CLPB: variants seen among roughly 807,000 people sequenced by gnomAD.
The protein encoded by CLPB is mitochondrial disaggregase.
Under a neutral mutation model 78.4 loss-of-function variants are expected in CLPB, and 40 were observed. The observed-to-expected ratio is 0.51, with a 90% confidence interval of 0.40 to 0.66. The LOEUF (loss-of-function observed/expected upper bound fraction) is 0.66. Ranked by LOEUF, CLPB falls within the 30% of genes least tolerant of loss-of-function variation. The pLI, the probability that CLPB is intolerant of heterozygous loss-of-function variation, is 0.00. For missense variants in CLPB, 780 were observed against 886.9 expected (o/e 0.88, Z 1.53); for synonymous variants, 333 against 348.0 (o/e 0.96, Z 0.48).
At chr11:72,404,127 A>T (rs182787711) in intron 2 of CLPB, among the ~76,000 whole-genome samples, 10 of 152,344 alleles carry the variant, frequency 6.6e-5, no homozygotes, top group Admixed American at 6.5e-4. Context: ...TCCTCCAGAC[A>T]GAACCTGGCT....
At chr11:72,359,083 G>A in intron 4 of CLPB, 75 bp from the exon 5 acceptor site, 2 of 1,603,098 alleles carry the variant, frequency 1.2e-6, no homozygotes, top group Non-Finnish European at 8.5e-7. Flanking sequence ...TTTTCTAGTG[G>A]CATTTTAATT....
chr11:72,421,317 A>G (rs1229285908), intron 2 of CLPB, among the ~76,000 whole-genome samples: 1 of 151,756 alleles, frequency 6.6e-6, no homozygotes, highest in African/African-American at 2.4e-5. Flanking sequence ...TTCCCTACTA[A>G]ACTCTCTGCT....
intron 3 of CLPB, among the ~76,000 whole-genome samples, chr11:72,400,419 G>A (rs1590897641): frequency 6.6e-6 from 1 of 152,298 alleles, no homozygotes; most frequent in Non-Finnish European, 1.5e-5. Context: ...AACAGCTCTG[G>A]ATAAAGACAG....
chr11:72,294,301 C>T (rs1590752949), intron 14 of CLPB, 24 bp downstream of exon 14: 2 of 1,614,232 alleles, frequency 1.2e-6, no homozygotes, highest in Middle Eastern at 1.6e-4. Context: ...ATCCCGCCCC[C>T]ACCCATGGGC....
chr11:72,429,490 A>C (rs780396622), intron 2 of CLPB, among the ~76,000 whole-genome samples: 2 of 152,206 alleles, frequency 1.3e-5, no homozygotes, highest in Non-Finnish European at 2.9e-5. Context: ...CCAACACCTG[A>C]CTTCCTGTCT....
intron 7 of CLPB, among the ~76,000 whole-genome samples, chr11:72,316,341 G>T (rs544939763): frequency 2.8e-4 from 42 of 152,318 alleles, no homozygotes; most frequent in African/African-American, 9.6e-4. Context: ...GAACCACTGT[G>T]TTGGGGGATA....
At chr11:72,313,583 A>G (rs1367959556) in intron 7 of CLPB, among the ~76,000 whole-genome samples, 1 of 152,214 alleles carries the variant, frequency 6.6e-6, no homozygotes, top group African/African-American at 2.4e-5. Flanking sequence ...AACATAGTAG[A>G]TAACATGTGA....
intron 3 of CLPB, among the ~76,000 whole-genome samples, chr11:72,400,738 G>A (rs918538435): frequency 1.3e-5 from 2 of 152,200 alleles, no homozygotes; most frequent in African/African-American, 4.8e-5. Context: ...GGGGGCATCA[G>A]GGACTAACAA....
intron 7 of CLPB, among the ~76,000 whole-genome samples, chr11:72,308,844 G>C (rs1011696253): frequency 6.6e-6 from 1 of 152,186 alleles, no homozygotes; most frequent in African/African-American, 2.4e-5. Context: ...AGTTTTCCAG[G>C]ATGAGCACTC....
chr11:72,404,479 C>T (rs1052399874), intron 2 of CLPB, among the ~76,000 whole-genome samples: 1 of 152,210 alleles, frequency 6.6e-6, no homozygotes, highest in South Asian at 2.1e-4. Flanking sequence ...TGAGAAACAT[C>T]ATGTACTAAG....
At chr11:72,382,132 A>C (rs1365201858) in intron 3 of CLPB, among the ~76,000 whole-genome samples, 1 of 151,852 alleles carries the variant, frequency 6.6e-6, no homozygotes, top group South Asian at 2.1e-4. Context: ...GCCAGTCCCC[A>C]TGCCACAGAC....
chr11:72,321,693 G>C (rs997422705), intron 6 of CLPB, among the ~76,000 whole-genome samples: 2 of 152,192 alleles, frequency 1.3e-5, no homozygotes, highest in Non-Finnish European at 2.9e-5. Context: ...AGCTGGAGTA[G>C]GCAGAACAAG....
At chr11:72,375,584 G>T (rs1854664821) in intron 4 of CLPB, among the ~76,000 whole-genome samples, 2 of 152,144 alleles carry the variant, frequency 1.3e-5, no homozygotes, top group Admixed American at 6.5e-5. Context: ...CCAGACACCA[G>T]CCTGCTCACT....
At chr11:72,400,172 T>C (rs1240007127) in intron 3 of CLPB, among the ~76,000 whole-genome samples, 2 of 152,206 alleles carry the variant, frequency 1.3e-5, no homozygotes, top group Non-Finnish European at 2.9e-5. Flanking sequence ...ATCTTTGTTT[T>C]TCATCAACAT....
intron 4 of CLPB, among the ~76,000 whole-genome samples, chr11:72,372,158 T>C (rs1951054322): frequency 6.6e-6 from 1 of 152,190 alleles, no homozygotes; most frequent in Non-Finnish European, 1.5e-5. Context: ...AAGCCATTCC[T>C]TGGACTCTAA....
chr11:72,293,857 T>C (rs774422745), intron 15 of CLPB, among the ~76,000 whole-genome samples, 165 bp downstream of exon 15: 13 of 152,212 alleles, frequency 8.5e-5, no homozygotes, highest in Admixed American at 4.6e-4. Context: ...GCAGGGGTTT[T>C]ACTTGGTGAT....
intron 5 of CLPB, among the ~76,000 whole-genome samples, chr11:72,338,574 C>T (rs1204864673): frequency 6.6e-6 from 1 of 152,242 alleles, no homozygotes; most frequent in African/African-American, 2.4e-5. Flanking sequence ...CTTTGCCCAT[C>T]ACTCAGACTT....
chr11:72,355,498 A>AG (rs1950696182), intron 5 of CLPB: 1 of 152,248 alleles, frequency 6.6e-6, no homozygotes, highest in Non-Finnish European at 1.5e-5. Context: ...TGTGCCTGCC[A>AG]GGGGCTTTCA....
intron 5 of CLPB, among the ~76,000 whole-genome samples, chr11:72,345,860 C>A (rs1232174915): frequency 6.6e-6 from 1 of 152,174 alleles, no homozygotes; most frequent in Non-Finnish European, 1.5e-5. Flanking sequence ...GGGGTGAGAA[C>A]TGCAAACAAA....
Sources: allele counts gnomAD v4.1 joint callset (sites outside exome capture counted in the v4.1 genomes callset), GRCh38; gene constraint gnomAD v4.1.1; transcripts MANE v1.5; gene names NCBI Gene and HGNC (gene_info 2026-07-23, HGNC 2026-07-21).